CDYL: variants seen among roughly 807,000 people sequenced by gnomAD.
The protein encoded by CDYL is chromodomain Y like, also known as chromodomain Y-like protein.
CDYL carries 8 observed loss-of-function variants against 47.3 expected under a neutral mutation model. The observed-to-expected ratio is 0.17, with a 90% CI of 0.10 to 0.31. The LOEUF (loss-of-function observed/expected upper bound fraction) is 0.31, where lower values mean the gene tolerates loss of function less well. Among genes scored for constraint, CDYL ranks in the 10% least tolerant of loss-of-function variants. CDYL has a pLI of 1.00. For missense variants in CDYL, 471 were observed against 701.4 expected (o/e 0.67, Z 3.71); for synonymous variants, 266 against 265.0 (o/e 1.00, Z -0.04).
intron 1 of CDYL, among the ~76,000 whole-genome samples, chr6:4,837,502 T>C (rs1760354897): frequency 6.6e-6 from 1 of 150,514 alleles, no homozygotes; most frequent in African/African-American, 2.4e-5. Context: ...TCTTGCTCTG[T>C]CGCCCAGGCT....
At chr6:4,824,522 T>C (rs984943146) in intron 1 of CDYL, among the ~76,000 whole-genome samples, 3 of 152,258 alleles carry the variant, frequency 2.0e-5, no homozygotes, top group Non-Finnish European at 2.9e-5. Flanking sequence ...TTGTATGTCT[T>C]CTTTGGAGAA....
At chr6:4,834,442 C>T (rs1311340371) in intron 1 of CDYL, among the ~76,000 whole-genome samples, 4,998 of 147,532 alleles carry the variant, frequency 0.034, 265 homozygotes, top group African/African-American at 0.12. Context: ...CCGAGAGATC[C>T]GCTGTTAGTC....
intron 5 of CDYL, among the ~76,000 whole-genome samples, chr6:4,948,687 G>A (rs1322788017): frequency 2.0e-5 from 3 of 152,152 alleles, no homozygotes; most frequent in Non-Finnish European, 4.4e-5. Flanking sequence ...CCACAGGACA[G>A]CCCCCACACC....
chr6:4,822,891 T>C (rs1759880173), intron 1 of CDYL, among the ~76,000 whole-genome samples: 1 of 152,248 alleles, frequency 6.6e-6, no homozygotes, highest in African/African-American at 2.4e-5. Flanking sequence ...TCTTCTTGCA[T>C]GTCCAGTACC....
At chr6:4,937,486 A>G in intron 3 of CDYL, 79 bp from the exon 4 acceptor site, 1 of 1,132,756 alleles carries the variant, frequency 8.8e-7, no homozygotes, top group Non-Finnish European at 1.2e-6. Flanking sequence ...ACAGAGTGAG[A>G]CTCTCTCCAA....
intron 1 of CDYL, among the ~76,000 whole-genome samples, chr6:4,801,593 G>C (rs1265332): frequency 0.22 from 33,987 of 152,060 alleles, 5,638 homozygotes; most frequent in African/African-American, 0.48. Flanking sequence ...TCTGCTCTTA[G>C]GTCTTTGCAC....
At chr6:4,855,886 C>T (rs768555147) in intron 1 of CDYL, among the ~76,000 whole-genome samples, 49 of 152,324 alleles carry the variant, frequency 3.2e-4, no homozygotes, top group African/African-American at 1.0e-3. Flanking sequence ...TGCCTTGTCA[C>T]GGCCAAGCTC....
chr6:4,793,187 A>T (rs1758976608), intron 1 of CDYL, among the ~76,000 whole-genome samples: 2 of 152,044 alleles, frequency 1.3e-5, no homozygotes, highest in Admixed American at 1.3e-4. Flanking sequence ...TACGTGAGAA[A>T]CCCTGTTGAA....
At chr6:4,778,775 C>G (rs1464827122) in intron 1 of CDYL, among the ~76,000 whole-genome samples, 4 of 152,234 alleles carry the variant, frequency 2.6e-5, no homozygotes, top group African/African-American at 4.8e-5. Flanking sequence ...AAATTTGTAA[C>G]TTTTCTTTTA....
intron 1 of CDYL, among the ~76,000 whole-genome samples, chr6:4,790,883 A>G (rs573070919): frequency 2.1e-4 from 32 of 152,366 alleles, no homozygotes; most frequent in Middle Eastern, 3.4e-3. Context: ...CAAAAGATTG[A>G]TAAAAACAGA....
intron 5 of CDYL, among the ~76,000 whole-genome samples, chr6:4,948,914 T>G (rs1758612890): frequency 6.6e-6 from 1 of 152,258 alleles, no homozygotes; most frequent in Non-Finnish European, 1.5e-5. Context: ...ATGATGTCGT[T>G]CCTTTCATGA....
rs145696952 is a variant in CDYL at position 4,829,031 on chromosome 6, G to A, written c.24+52224G>A. 4.1e-3 allele frequency among the ~76,000 whole-genome samples: 623 copies of A among 151,782 alleles called. 1 individual carries two copies. Among genetic ancestry groups the A allele is most frequent in the African/African-American group, 0.014 (582 of 41,386 alleles). On this transcript the variant is annotated intron_variant, in intron 1 of 6. Coordinates refer to ENST00000397588, the MANE Select transcript of CDYL (RefSeq NM_004824.4). The stretch of plus-strand genomic sequence containing the variant: ...CTTCAGTTCTTCATATCTTTCTTTT[G>A]CTTTTTGAGCTTATTTAAGACAGTC...
chr6:4,945,517 C>T (rs1369461470), intron 5 of CDYL, among the ~76,000 whole-genome samples: 3 of 152,172 alleles, frequency 2.0e-5, no homozygotes, highest in Non-Finnish European at 2.9e-5. Flanking sequence ...AAACACTCAC[C>T]CCCAAGGGAT....
rs145346581 is a variant in CDYL, at chr6:4,846,443, A to G, written c.25-45270A>G. ...AATAAAATAGTTGTGGATTTACACT[A>G]TACATGACAAAATCATTATAATACA... On this transcript the variant is annotated intron_variant, in intron 1 of 6. Transcript: ENST00000397588. Among the ~76,000 whole-genome samples the G allele has an allele frequency of 4.1e-3, 621 of 152,346 alleles. 1 individual carries two copies. The highest frequency in any genetic ancestry group is 0.014 in the African/African-American group (580 of 41,582).
At chr6:4,899,459 A>G (rs1756950870) in intron 2 of CDYL, among the ~76,000 whole-genome samples, 1 of 152,354 alleles carries the variant, frequency 6.6e-6, no homozygotes, top group South Asian at 2.1e-4. Flanking sequence ...AAGTTCCTAG[A>G]CAAAAGAAAG....
Position 4,776,706 on chromosome 6 carries a change from C to A in CDYL, c.-78C>A. The A allele has an allele frequency of 1.6e-6, 2 of 1,256,176 alleles. No individual in the cohort carries two copies. The highest frequency in any genetic ancestry group is 2.1e-6 in the Non-Finnish European group (2 of 972,572). The allele number at this position is 1,256,176 out of a possible 1,614,324, so 77.8% of individuals were successfully genotyped here. A position where few individuals can be genotyped will look rare whatever the true frequency, so the allele number is the denominator to read the frequency against. ...GAAGCGCAGGCCACGCAGGACCCAA[C>A]TGAAACAAAGTGTCGGCCGCCCGGC... On this transcript the variant is annotated 5_prime_UTR_variant, in exon 1 of 7. In the 5' UTR this introduces an upstream ATG that the reference lacks. Coordinates refer to ENST00000397588, the MANE Select transcript of CDYL (RefSeq NM_004824.4).
At chr6:4,729,066 T>C (rs1380488383) in intron 2 of CDYL, among the ~76,000 whole-genome samples, 1 of 152,150 alleles carries the variant, frequency 6.6e-6, no homozygotes, top group Non-Finnish European at 1.5e-5. Context: ...TTATTTAATG[T>C]CTTCTCTCTG....
chr6:4,716,116 T>C (rs1582272362), intron 2 of CDYL, among the ~76,000 whole-genome samples: 2 of 151,934 alleles, frequency 1.3e-5, no homozygotes, highest in South Asian at 2.1e-4. Flanking sequence ...TGGCGTGGTG[T>C]GGGTGCCTGT....
chr6:4,820,454 C>T (rs988414907), intron 1 of CDYL, among the ~76,000 whole-genome samples: 1 of 152,092 alleles, frequency 6.6e-6, no homozygotes, highest in Non-Finnish European at 1.5e-5. Flanking sequence ...AGATGGGTTC[C>T]TCTGAGGGTT....
Sources: gnomAD v4.1 joint callset for allele counts (sites outside exome capture counted in the v4.1 genomes callset) on GRCh38, gnomAD v4.1.1 for gene constraint, MANE v1.5 for transcripts, NCBI Gene and HGNC (gene_info 2026-07-23, HGNC 2026-07-21) for gene names.